TBC1D1: variants seen among roughly 807,000 people sequenced by gnomAD.
TBC1D1 encodes the protein TBC1 (tre-2/USP6, BUB2, cdc16) domain family, member 1.
In TBC1D1, 89 loss-of-function variants were observed where a neutral mutation model predicts 125.6. The observed-to-expected ratio is 0.71, with a 90% CI of 0.60 to 0.85. TBC1D1 has a LOEUF of 0.85. TBC1D1 is among the 40% of genes least tolerant of loss of function. The pLI, the probability that TBC1D1 is intolerant of heterozygous loss-of-function variation, is 0.00. For missense variants in TBC1D1, 1,377 were observed against 1,469.2 expected (o/e 0.94, Z 1.03); for synonymous variants, 565 against 564.1 (o/e 1.00, Z -0.02).
At chr4:38,077,780 G>T (rs1755853379) in intron 12 of TBC1D1, among the ~76,000 whole-genome samples, 1 of 152,020 alleles carries the variant, frequency 6.6e-6, no homozygotes, top group Non-Finnish European at 1.5e-5. Context: ...TTAATTAGAT[G>T]TTGGGCTTTT....
At chr4:38,096,198 C>T in intron 14 of TBC1D1, 108 bp downstream of exon 16, 1 of 825,662 alleles carries the variant, frequency 1.2e-6, no homozygotes, top group Non-Finnish European at 1.9e-6. Flanking sequence ...CATCTCCCTT[C>T]TTTTCATCAC....
intron 2 of TBC1D1, among the ~76,000 whole-genome samples, chr4:37,926,750 G>T (rs1394507495): frequency 6.6e-6 from 1 of 152,212 alleles, no homozygotes; most frequent in Non-Finnish European, 1.5e-5. Flanking sequence ...TGTTACACAG[G>T]CTAGAACTTT....
At chr4:38,112,687 G>T (rs1762385184) in intron 15 of TBC1D1, among the ~76,000 whole-genome samples, 1 of 152,194 alleles carries the variant, frequency 6.6e-6, no homozygotes, top group Non-Finnish European at 1.5e-5. Context: ...TAGCATAAGG[G>T]GCGCTACATG....
intron 12 of TBC1D1, among the ~76,000 whole-genome samples, chr4:38,081,746 A>T (rs536852390): frequency 6.6e-6 from 1 of 152,224 alleles, no homozygotes; most frequent in African/African-American, 2.4e-5. Context: ...GGTGGATGCT[A>T]TTATTATCGG....
intron 2 of TBC1D1, among the ~76,000 whole-genome samples, chr4:37,917,742 A>G (rs1245690614): frequency 3.9e-5 from 6 of 152,204 alleles, no homozygotes; most frequent in African/African-American, 1.4e-4. Flanking sequence ...GAATGACAGA[A>G]TAACCCTTGC....
intron 2 of TBC1D1, among the ~76,000 whole-genome samples, chr4:37,916,217 A>T (rs1483321175): frequency 6.6e-6 from 1 of 152,170 alleles, no homozygotes; most frequent in African/African-American, 2.4e-5. Context: ...ATATCTTTAT[A>T]CATTTTACTG....
rs190900040 is a variant in TBC1D1, at chr4:37,989,344, A to G, written c.418-25165A>G. Among the ~76,000 whole-genome samples the G allele has an allele frequency of 5.4e-4, 82 of 152,292 alleles. 1 individual carries two copies. Among genetic ancestry groups the G allele is most frequent in the Non-Finnish European group, 5.7e-4 (39 of 68,018 alleles). On this transcript the variant is annotated intron_variant, in intron 2 of 19. Coordinates refer to ENST00000261439, the MANE Select transcript of TBC1D1 (RefSeq NM_015173.4). Reference sequence around the variant, plus strand: ...ACTCAGAAAATATTTGAATCCACCTATGACTTGCAACCTCCCCTCCACCTT... The same window carrying G: ...ACTCAGAAAATATTTGAATCCACCTGTGACTTGCAACCTCCCCTCCACCTT...
intron 2 of TBC1D1, among the ~76,000 whole-genome samples, chr4:37,956,012 T>C (rs2152325498): frequency 6.8e-6 from 1 of 147,840 alleles, no homozygotes; most frequent in East Asian, 2.1e-4. Context: ...CCAAAATACA[T>C]ATAATCTGCT....
intron 2 of TBC1D1, among the ~76,000 whole-genome samples, chr4:37,931,965 A>G (rs934817132): frequency 6.6e-6 from 1 of 151,994 alleles, no homozygotes; most frequent in Non-Finnish European, 1.5e-5. Flanking sequence ...AAACCCTTCT[A>G]TTCTGTATCT....
At chr4:37,891,556 T>G in intron 1 of TBC1D1, among the ~76,000 whole-genome samples, 1 of 19,480 alleles carries the variant, frequency 5.1e-5, no homozygotes, top group East Asian at 1.8e-3. Context: ...CCCGCCGCCC[T>G]TGGACGAAAG....
intron 2 of TBC1D1, among the ~76,000 whole-genome samples, chr4:37,998,806 TG>T (rs1738389278): frequency 6.6e-6 from 1 of 152,152 alleles, no homozygotes; most frequent in South Asian, 2.1e-4. Flanking sequence ...GCCTGATAAG[TG>T]GTATTGATGC....
At chr4:37,941,032 G>T (rs1427395849) in intron 2 of TBC1D1, among the ~76,000 whole-genome samples, 2 of 152,130 alleles carry the variant, frequency 1.3e-5, no homozygotes, top group African/African-American at 4.8e-5. Flanking sequence ...GATGATGTTG[G>T]CCTTAAAAAA....
intron 13 of TBC1D1, among the ~76,000 whole-genome samples, 196 bp downstream of exon 15, chr4:38,090,313 A>G (rs1758216530): frequency 6.6e-6 from 1 of 152,260 alleles, no homozygotes; most frequent in South Asian, 2.1e-4. Context: ...AGTTTCACCA[A>G]CAATATTCAT....
chr4:38,090,318 A>G (rs1433880479), intron 13 of TBC1D1, among the ~76,000 whole-genome samples: 1 of 152,198 alleles, frequency 6.6e-6, no homozygotes, highest in Non-Finnish European at 1.5e-5. Flanking sequence ...CACCAACAAT[A>G]TTCATTATTC....
chr4:37,938,856 C>T (rs1032996674), intron 2 of TBC1D1, among the ~76,000 whole-genome samples: 1 of 152,192 alleles, frequency 6.6e-6, no homozygotes, highest in Non-Finnish European at 1.5e-5. Flanking sequence ...GACATGAACT[C>T]ATCCTTTTGT....
At chr4:38,095,822 G>T (rs1453069298) in intron 13 of TBC1D1, 107 bp from the exon 16 acceptor site, 6 of 1,197,140 alleles carry the variant, frequency 5.0e-6, no homozygotes, top group African/African-American at 4.6e-5. Flanking sequence ...TAAGCCAGTT[G>T]TAACTGCTTG....
At chr4:38,020,534 C>A in intron 4 of TBC1D1, 57 bp from the exon 5 acceptor site, 1 of 1,391,290 alleles carries the variant, frequency 7.2e-7, no homozygotes, top group Non-Finnish European at 1.0e-6. Flanking sequence ...AGGTGCATTT[C>A]TGAGGATGGT....
At chr4:37,983,682 G>C (rs768930259) in intron 2 of TBC1D1, among the ~76,000 whole-genome samples, 5 of 152,096 alleles carry the variant, frequency 3.3e-5, no homozygotes, top group Admixed American at 2.0e-4. Context: ...CACATGCACA[G>C]CATCCCCTGT....
chr4:37,977,666 C>A lies in TBC1D1; in HGVS notation c.418-36843C>A. 1 of 167,374 alleles carries A rather than the reference C, an allele frequency of 6.0e-6. No individual in the cohort carries two copies. Among genetic ancestry groups the A allele is most frequent in the South Asian group, 1.7e-4 (1 of 5,798 alleles). The allele number at this position is 167,374 out of a possible 1,614,324, so 10.4% of individuals were successfully genotyped here. A position where few individuals can be genotyped will look rare whatever the true frequency, so the allele number is the denominator to read the frequency against. ...GCGGGGGGCGAGCGGCGGGCGCGAC[C>A]AGGTCGTTAGCCGCGCGTTTCTCAT... On this transcript the variant is annotated intron_variant, in intron 2 of 19. Transcript: ENST00000261439. This position sits in a 1 kb window ranked among gnomAD's most constrained non-coding sequence, Gnocchi z 4.3.
Sources: gnomAD v4.1 joint callset for allele counts (sites outside exome capture counted in the v4.1 genomes callset) on GRCh38, gnomAD v4.1.1 for gene constraint, Gnocchi (gnomAD v3.1) non-coding constraint, MANE v1.5 for transcripts, NCBI Gene and HGNC (gene_info 2026-07-23, HGNC 2026-07-21) for gene names.